RINT1: variants seen among roughly 807,000 people sequenced by gnomAD.
The protein encoded by RINT1 is RAD50 interactor 1, also known as RAD50-interacting protein 1.
A neutral mutation model predicts 97.7 loss-of-function variants in RINT1; 75 were observed. The ratio of observed to expected loss-of-function variants is 0.77; its 90% CI spans 0.64 to 0.93. The LOEUF (loss-of-function observed/expected upper bound fraction) is 0.93. Ranked by LOEUF, RINT1 falls within the 40% of genes least tolerant of loss-of-function variation. The pLI, the probability that RINT1 is intolerant of heterozygous loss-of-function variation, is 0.00. For missense variants in RINT1, 892 were observed against 925.2 expected (o/e 0.96, Z 0.47); for synonymous variants, 303 against 326.3 (o/e 0.93, Z 0.77).
Position 105,554,719 on chromosome 7 carries a change from C to T in RINT1, c.1472-309C>T, listed in dbSNP as rs140125133. Among the ~76,000 whole-genome samples the T allele has an allele frequency of 9.4e-3, 1,435 of 152,038 alleles. 15 individuals are homozygous for T. Among genetic ancestry groups the T allele is most frequent in the African/African-American group, 0.033 (1,380 of 41,488 alleles). On this transcript the variant is annotated intron_variant, in intron 10 of 14. Transcript: ENST00000257700. ...CCTCACAAAGTGCTGGGATTACAGG[C>T]GTGAGCCACCACGACTGGCCAAAAC...
chr7:105,547,424 G>A, intron 6 of RINT1, 91 bp downstream of exon 6: 1 of 1,304,712 alleles, frequency 7.7e-7, no homozygotes, highest in Non-Finnish European at 1.1e-6. Context: ...AAGTGGCCAA[G>A]AAAGCCAAAT....
chr7:105,534,373 T>C (rs1187523202), intron 2 of RINT1, among the ~76,000 whole-genome samples: 1 of 152,096 alleles, frequency 6.6e-6, no homozygotes, highest in Non-Finnish European at 1.5e-5. Context: ...TCAGTGGGTG[T>C]AATTTTTTTT....
At position 105,536,744 on chromosome 7, in the gene RINT1, G is replaced by A. The variant is rs1790252759; in HGVS notation, c.268G>A (p.Glu90Lys). 1 of 1,583,364 alleles carries A rather than the reference G, an allele frequency of 6.3e-7. No individual in the cohort carries two copies. ...QRTVSKMQLE[E>K]QVLTISSEIP... ...GACAGTAAGTAAAATGCAGTTAGAA[G>A]AACAGGTAAGTATTGAAACTCACTG... is the stretch of plus-strand genomic sequence containing the variant. Residue 90 changes from glutamate to lysine, a missense_variant, in exon 3 of 15, where the codon GAA (glutamate) becomes AAA (lysine). Physicochemically the swap from Glu to Lys is moderately conservative, Grantham distance 56. Transcript: ENST00000257700.
chr7:105,532,678 C>A, intron 1 of RINT1, 146 bp from the exon 2 acceptor site: 1 of 848,154 alleles, frequency 1.2e-6, no homozygotes, highest in Non-Finnish European at 2.0e-6. Flanking sequence ...CTTTGAGGTA[C>A]CTGATTCGGA....
At chr7:105,561,336 T>C (rs1413418065) in intron 11 of RINT1, among the ~76,000 whole-genome samples, 4 of 151,652 alleles carry the variant, frequency 2.6e-5, no homozygotes, top group Non-Finnish European at 2.9e-5. Context: ...AAGATCAGCC[T>C]GGCCAACATG....
intron 11 of RINT1, among the ~76,000 whole-genome samples, chr7:105,559,913 T>C (rs2133445896): frequency 6.6e-6 from 1 of 152,362 alleles, no homozygotes; most frequent in Middle Eastern, 3.4e-3. Context: ...TCTCTACTGA[T>C]AACTGTCTGC....
chr7:105,560,848 G>A (rs985272209), intron 11 of RINT1, among the ~76,000 whole-genome samples: 7 of 151,984 alleles, frequency 4.6e-5, no homozygotes, highest in Middle Eastern at 3.2e-3. Context: ...AGCTTCCTGA[G>A]TAGCTGGGAT....
Position 105,565,606 on chromosome 7 carries a change from T to A in RINT1, c.2144T>A (p.Leu715Ter). 1 of 1,613,818 alleles carries A rather than the reference T, an allele frequency of 6.2e-7. No individual in the cohort carries two copies. Among genetic ancestry groups the A allele is most frequent in the Non-Finnish European group, 8.5e-7 (1 of 1,179,806 alleles). The change falls in exon 14 of 15, where the codon TTG (leucine) becomes TAG (stop). Residue 715 changes from leucine to a stop codon, truncating the protein, a stop_gained. Transcript: ENST00000257700. LOFTEE classifies it high-confidence loss of function. Reference sequence around the variant, plus strand: ...GATATGACTCGGAATCTTTTCCCTTTGTTTTCTCACTATTGCAAGAGACCA... The same window carrying A: ...GATATGACTCGGAATCTTTTCCCTTAGTTTTCTCACTATTGCAAGAGACCA... ...QFDMTRNLFP[L>*]FSHYCKRPEN...
chr7:105,533,577 T>A (rs1790115303), intron 2 of RINT1, among the ~76,000 whole-genome samples: 1 of 152,184 alleles, frequency 6.6e-6, no homozygotes, highest in South Asian at 2.1e-4. Context: ...TGGCAAACAG[T>A]TGGGAATGTG....
At chr7:105,554,047 C>T (rs547803704) in intron 10 of RINT1, among the ~76,000 whole-genome samples, 48 of 151,862 alleles carry the variant, frequency 3.2e-4, no homozygotes, top group South Asian at 2.1e-4. Flanking sequence ...TACAGGCACC[C>T]GCCACCACAC....
chr7:105,561,538 A>G (rs545047574), intron 11 of RINT1, among the ~76,000 whole-genome samples: 4 of 152,276 alleles, frequency 2.6e-5, no homozygotes, highest in African/African-American at 9.6e-5. Context: ...AAAAAATAAA[A>G]AAAACAAGTA....
chr7:105,564,639 A>C (rs1283792754), intron 12 of RINT1, among the ~76,000 whole-genome samples: 2 of 152,196 alleles, frequency 1.3e-5, no homozygotes, highest in Non-Finnish European at 2.9e-5. Flanking sequence ...CAGAGTGCTT[A>C]AAATTCGTTT....
intron 11 of RINT1, among the ~76,000 whole-genome samples, chr7:105,559,358 T>C (rs1366144502): frequency 2.0e-5 from 3 of 152,006 alleles, no homozygotes; most frequent in East Asian, 3.9e-4. Flanking sequence ...CTGGCCAAGA[T>C]GGTGAAACCC....
rs571301131 is a variant in RINT1, at chr7:105,546,482, G to C, written c.516-428G>C. On this transcript the variant is annotated intron_variant, in intron 4 of 14. Transcript: ENST00000257700. ...TTGTTAAAAAACAAAGGCTACCTCA[G>C]GGTGGTGCTTCATTCTTCCTTGGAT... Among the ~76,000 whole-genome samples, 7 of 152,284 alleles carry C rather than the reference G, an allele frequency of 4.6e-5. No homozygotes were observed. The East Asian group carries it at 5.8e-4, about 13-fold the overall frequency.
chr7:105,563,921 T>G lies in RINT1; in HGVS notation c.1860T>G (p.Asp620Glu), dbSNP rs905967185. 2 of 1,614,042 alleles carry G rather than the reference T, an allele frequency of 1.2e-6. No individual in the cohort carries two copies. The highest frequency in any genetic ancestry group is 1.7e-6 in the Non-Finnish European group (2 of 1,179,926). The change falls in exon 12 of 15, where the codon GAT becomes GAG. Residue 620 changes from aspartate to glutamate, a missense_variant. By Grantham distance (45) the Asp-to-Glu change is conservative. Coordinates refer to ENST00000257700, the MANE Select transcript of RINT1 (RefSeq NM_021930.6). Reference sequence around the variant, plus strand: ...ACCACGTTTTTAGAGAAGTTAAAGATGCTGCAAAATTGTATAAAAAAGAAA... The same window carrying G: ...ACCACGTTTTTAGAGAAGTTAAAGAGGCTGCAAAATTGTATAAAAAAGAAA... ...QVDHVFREVK[D>E]AAKLYKKERW...
intron 11 of RINT1, among the ~76,000 whole-genome samples, chr7:105,559,251 C>T (rs941936090): frequency 1.2e-4 from 18 of 151,832 alleles, no homozygotes; most frequent in African/African-American, 4.4e-4. Context: ...AAAAAATTAG[C>T]CAGGCGTGGC....
intron 12 of RINT1, among the ~76,000 whole-genome samples, chr7:105,564,499 A>G (rs1279045158): frequency 6.6e-6 from 1 of 152,174 alleles, no homozygotes; most frequent in East Asian, 1.9e-4. Flanking sequence ...TTTGCAAAGT[A>G]AAGTGCACCT....
chr7:105,547,471 A>G (rs1790717641), intron 6 of RINT1, 138 bp downstream of exon 6: 1 of 816,704 alleles, frequency 1.2e-6, no homozygotes, highest in Non-Finnish European at 1.9e-6. Context: ...GTAAATGTCC[A>G]CTGAGTGGTG....
rs148086861 is a variant in RINT1 at position 105,539,281 on chromosome 7, T to C, written c.273+2532T>C. On this transcript the variant is annotated intron_variant, in intron 3 of 14. Transcript: ENST00000257700. Reference sequence around the variant, plus strand: ...TCCTAGATTCCTTCTTATCATCCTCTCATCCTCTATCCCATCACCAAGTCA... The same window carrying C: ...TCCTAGATTCCTTCTTATCATCCTCCCATCCTCTATCCCATCACCAAGTCA... Among the ~76,000 whole-genome samples the C allele has an allele frequency of 3.2e-3, 484 of 151,672 alleles. 3 individuals carry two copies. The highest frequency in any genetic ancestry group is 0.028 in the South Asian group (133 of 4,790).
Sources: allele counts gnomAD v4.1 joint callset (sites outside exome capture counted in the v4.1 genomes callset), GRCh38; gene constraint gnomAD v4.1.1; transcripts MANE v1.5; gene names NCBI Gene and HGNC (gene_info 2026-07-23, HGNC 2026-07-21).